CAMK1D: variants seen among roughly 807,000 people sequenced by gnomAD.
The protein encoded by CAMK1D is calcium/calmodulin-dependent protein kinase type 1D.
A neutral mutation model predicts 47.7 loss-of-function variants in CAMK1D; 9 were observed. The observed-to-expected ratio is 0.19, with a 90% CI of 0.11 to 0.33. CAMK1D has a LOEUF of 0.33. Ranked by LOEUF, CAMK1D falls within the 10% of genes least tolerant of loss-of-function variation. The pLI is 1.00. For synonymous variants in CAMK1D, 184 were observed against 184.9 expected, an observed-to-expected ratio of 0.99 and a Z score of 0.04; for missense variants, 291 against 488.7, an observed-to-expected ratio of 0.60 and a Z score of 3.81.
At chr10:12,382,432 T>A (rs1838372151) in intron 1 of CAMK1D, among the ~76,000 whole-genome samples, 1 of 152,086 alleles carries the variant, frequency 6.6e-6, no homozygotes. Flanking sequence ...ATAGGATCTT[T>A]CATATGAAAT....
At chr10:12,736,096 C>G (rs1193396374) in intron 3 of CAMK1D, among the ~76,000 whole-genome samples, 2 of 152,174 alleles carry the variant, frequency 1.3e-5, no homozygotes, top group Non-Finnish European at 2.9e-5. Flanking sequence ...CTTTCTTCAT[C>G]CAGAAATTTC....
At chr10:12,517,257 C>T (rs1461606080) in intron 1 of CAMK1D, among the ~76,000 whole-genome samples, 2 of 152,094 alleles carry the variant, frequency 1.3e-5, no homozygotes, top group African/African-American at 4.8e-5. Flanking sequence ...CTTAATAGTT[C>T]TAGATGCTTT....
chr10:12,639,217 G>A (rs112934493), intron 2 of CAMK1D, among the ~76,000 whole-genome samples: 39,743 of 152,300 alleles, frequency 0.26, 5,356 homozygotes, highest in South Asian at 0.37. Flanking sequence ...CGGGTGCAGT[G>A]GCTCACGCCT....
chr10:12,569,952 A>G (rs1837270134), intron 2 of CAMK1D, among the ~76,000 whole-genome samples: 1 of 152,136 alleles, frequency 6.6e-6, no homozygotes, highest in African/African-American at 2.4e-5. Flanking sequence ...CTGTAATCCC[A>G]GCACTTTGGG....
intron 2 of CAMK1D, among the ~76,000 whole-genome samples, chr10:12,582,977 C>T (rs1406916371): frequency 1.3e-5 from 2 of 152,188 alleles, no homozygotes; most frequent in Non-Finnish European, 2.9e-5. Flanking sequence ...GTGGCTCACG[C>T]CTGTAATCCC....
At chr10:12,424,359 C>A (rs1324397035) in intron 1 of CAMK1D, among the ~76,000 whole-genome samples, 5 of 152,104 alleles carry the variant, frequency 3.3e-5, no homozygotes, top group Non-Finnish European at 5.9e-5. Context: ...CTTTCCCCCA[C>A]CTCTCACCTC....
At chr10:12,588,087 TTCC>T (rs1837875262) in intron 2 of CAMK1D, among the ~76,000 whole-genome samples, 1 of 152,188 alleles carries the variant, frequency 6.6e-6, no homozygotes, top group Non-Finnish European at 1.5e-5. Flanking sequence ...AAGTGAATAT[TTCC>T]AAGGGAGCGG....
At chr10:12,414,754 C>G (rs1161334636) in intron 1 of CAMK1D, among the ~76,000 whole-genome samples, 1 of 152,174 alleles carries the variant, frequency 6.6e-6, no homozygotes. Flanking sequence ...GTTTCTTAGT[C>G]ATAGTGTCCT....
chr10:12,540,395 G>A (rs45450293), intron 1 of CAMK1D, among the ~76,000 whole-genome samples: 4,167 of 152,312 alleles, frequency 0.027, 93 homozygotes, highest in Non-Finnish European at 0.043. Flanking sequence ...AGAAGTGAAG[G>A]AGGAAAGGAA....
At chr10:12,663,503 A>G (rs1000050023) in intron 2 of CAMK1D, among the ~76,000 whole-genome samples, 2 of 152,162 alleles carry the variant, frequency 1.3e-5, no homozygotes, top group Non-Finnish European at 2.9e-5. Context: ...CCTAGGAGTC[A>G]TTACTAATGA....
chr10:12,397,604 C>A (rs1302160368), intron 1 of CAMK1D, among the ~76,000 whole-genome samples: 2 of 152,156 alleles, frequency 1.3e-5, no homozygotes, highest in African/African-American at 2.4e-5. Context: ...TTCAGCCATC[C>A]CTGTGACCCT....
intron 2 of CAMK1D, among the ~76,000 whole-genome samples, chr10:12,607,063 T>A (rs1838483145): frequency 1.3e-5 from 2 of 152,136 alleles, no homozygotes. Context: ...CTTGACCTCG[T>A]GATCCACCCA....
rs745620447 is a variant in CAMK1D at position 12,734,485 on chromosome 10, CAT to C, written c.300-26460_300-26459del. 7.3e-4 allele frequency among the ~76,000 whole-genome samples: 100 copies of C among 136,226 alleles called. 4 individuals are homozygous for C. Among genetic ancestry groups the C allele is most frequent in the Middle Eastern group, 7.7e-3 (2 of 260 alleles). The allele number at this position is 136,226 out of a possible 152,430, so 89.4% of individuals were successfully genotyped here. ...ACATACACATATGTGTATATATACA[CAT>C]ATGTATATATATACACACACACATA... is the stretch of plus-strand genomic sequence containing the variant. On this transcript the variant is annotated intron_variant, in intron 3 of 10. Transcript: ENST00000619168.
At chr10:12,637,928 C>T (rs1001705414) in intron 2 of CAMK1D, among the ~76,000 whole-genome samples, 3 of 152,142 alleles carry the variant, frequency 2.0e-5, no homozygotes, top group Non-Finnish European at 2.9e-5. Flanking sequence ...GGCAGGCCAC[C>T]GATGTCCAGC....
intron 1 of CAMK1D, among the ~76,000 whole-genome samples, chr10:12,386,522 G>A (rs1296210303): frequency 1.3e-5 from 2 of 151,930 alleles, no homozygotes; most frequent in Non-Finnish European, 2.9e-5. Context: ...AATAAACTGT[G>A]GCACATCAAT....
chr10:12,734,897 TCTC>T (rs1490656047), intron 3 of CAMK1D, among the ~76,000 whole-genome samples: 2 of 152,228 alleles, frequency 1.3e-5, no homozygotes, highest in Non-Finnish European at 2.9e-5. Context: ...TGGACAGGTC[TCTC>T]CTCACACCTC....
intron 2 of CAMK1D, among the ~76,000 whole-genome samples, chr10:12,636,262 G>A (rs997477138): frequency 6.6e-6 from 1 of 152,160 alleles, no homozygotes; most frequent in Admixed American, 6.5e-5. Flanking sequence ...TGCTATACCA[G>A]GTATTTTACA....
At chr10:12,496,486 G>C (rs1029981322) in intron 1 of CAMK1D, among the ~76,000 whole-genome samples, 13 of 152,178 alleles carry the variant, frequency 8.5e-5, no homozygotes, top group Non-Finnish European at 1.3e-4. Flanking sequence ...AGAGGGCACA[G>C]AAGAAGGGGC....
At chr10:12,626,186 C>CA (rs1294330912) in intron 2 of CAMK1D, among the ~76,000 whole-genome samples, 1 of 152,154 alleles carries the variant, frequency 6.6e-6, no homozygotes, top group African/African-American at 2.4e-5. Flanking sequence ...ATGTCATACT[C>CA]ATACGACACC....
Sources: allele counts gnomAD v4.1 joint callset (sites outside exome capture counted in the v4.1 genomes callset), GRCh38; gene constraint gnomAD v4.1.1; transcripts MANE v1.5; gene names NCBI Gene and HGNC (gene_info 2026-07-23, HGNC 2026-07-21).